NCF2: variants seen among roughly 807,000 people sequenced by gnomAD.
NCF2 encodes neutrophil cytosolic factor 2.
NCF2 carries 45 observed loss-of-function variants against 70.9 expected under a neutral mutation model. The ratio of observed to expected loss-of-function variants is 0.63; its 90% CI spans 0.50 to 0.81. The LOEUF (loss-of-function observed/expected upper bound fraction) is 0.81. Among genes scored for constraint, NCF2 ranks in the 40% least tolerant of loss-of-function variants. NCF2 has a pLI of 0.00. For missense variants in NCF2, 522 were observed against 631.6 expected (o/e 0.83, Z 1.86); for synonymous variants, 203 against 233.6 (o/e 0.87, Z 1.19).
rs1672967221 is a variant in NCF2 at position 183,579,663 on chromosome 1, C to T, written c.258-1956G>A. ...CTGAGGCAGGAGAATGGCATGAACC[C>T]AGGAGGCAGAGCTTGCAGTGAGCAG... On this transcript the variant is annotated intron_variant, in intron 2 of 14. Coordinates refer to ENST00000367535, the MANE Select transcript of NCF2 (RefSeq NM_000433.4). 2.1e-5 allele frequency among the ~76,000 whole-genome samples: 3 copies of T among 141,334 alleles called. No homozygotes were observed. In the South Asian group the frequency reaches 6.6e-4, roughly 31 times the overall value. 92.7% of individuals were successfully genotyped at this position (141,334 alleles called of 152,430 possible).
At chr1:183,563,861 C>G (rs1672187752) in intron 11 of NCF2, 144 bp downstream of exon 11, 2 of 980,990 alleles carry the variant, frequency 2.0e-6, no homozygotes, top group Non-Finnish European at 3.3e-6. Flanking sequence ...AAGAAGGTCC[C>G]TAGCTCATGG....
chr1:183,585,605 A>G (rs1673309553), intron 2 of NCF2, among the ~76,000 whole-genome samples: 1 of 127,462 alleles, frequency 7.8e-6, no homozygotes, highest in Non-Finnish European at 1.6e-5. Context: ...AGCCTGGGTG[A>G]CAGGGCGAAA....
At position 183,577,718 on chromosome 1, in the gene NCF2, G is replaced by C. The variant is rs1672862164; in HGVS notation, c.258-11C>G. ...ATAGCCAAATCATATCTGCAGGACA[G>C]AGGGAGAAAATACAGCAGTCTAGTG... On this transcript the variant is annotated splice_polypyrimidine_tract_variant and intron_variant, in intron 2 of 14. Transcript: ENST00000367535. 6.3e-7 allele frequency: 1 copy of C among 1,579,542 alleles called. No individual in the cohort carries two copies. Among genetic ancestry groups the C allele is most frequent in the Admixed American group, 1.7e-5 (1 of 59,964 alleles).
intron 2 of NCF2, among the ~76,000 whole-genome samples, chr1:183,581,175 G>A (rs1285452035): frequency 1.3e-5 from 2 of 150,988 alleles, no homozygotes; most frequent in African/African-American, 2.4e-5. Context: ...CCAGCTACCC[G>A]GGAAGCTGAG....
At chr1:183,599,437 T>TC in the NCF2 span, among the ~76,000 whole-genome samples, 1 of 96,740 alleles carries the variant, frequency 1.0e-5, no homozygotes, top group Admixed American at 1.2e-4. Flanking sequence ...TTTCTTTCTT[T>TC]CTTTCTTTCT....
At chr1:183,562,325 G>T (rs1480895379) in intron 13 of NCF2, among the ~76,000 whole-genome samples, 1 of 152,126 alleles carries the variant, frequency 6.6e-6, no homozygotes, top group African/African-American at 2.4e-5. Flanking sequence ...GAAGGGGTTA[G>T]TCCAAAGACA....
At chr1:183,570,556 AGT>A (rs760440140) in intron 6 of NCF2, among the ~76,000 whole-genome samples, 12 of 152,196 alleles carry the variant, frequency 7.9e-5, no homozygotes, top group Non-Finnish European at 1.8e-4. Context: ...GAAGCAGGAG[AGT>A]TAGCTTCAGA....
At chr1:183,564,959 C>T (rs997398845) in intron 10 of NCF2, among the ~76,000 whole-genome samples, 1 of 152,024 alleles carries the variant, frequency 6.6e-6, no homozygotes, top group African/African-American at 2.4e-5. Context: ...TGGAGCAGGG[C>T]GAGTTCATGG....
At chr1:183,595,220 A>T (rs1031731658), upstream of NCF2, among the ~76,000 whole-genome samples, 1 of 152,198 alleles carries the variant, frequency 6.6e-6, no homozygotes, top group Non-Finnish European at 1.5e-5. Context: ...GGAAACCCTG[A>T]AGGAGGCAGG....
intron 7 of NCF2, among the ~76,000 whole-genome samples, chr1:183,568,248 C>T (rs1572156513): frequency 6.6e-6 from 1 of 152,082 alleles, no homozygotes; most frequent in Non-Finnish European, 1.5e-5. Context: ...CTGCAACCTC[C>T]ACCTCCTGAG....
At chr1:183,567,656 C>A in intron 7 of NCF2, 1 of 450,238 alleles carries the variant, frequency 2.2e-6, no homozygotes, top group Non-Finnish European at 4.1e-6. Context: ...GCTGTGTCAT[C>A]TTGGCCAGCA....
intron 3 of NCF2, among the ~76,000 whole-genome samples, chr1:183,575,295 C>A (rs1442646594): frequency 2.0e-5 from 3 of 152,178 alleles, no homozygotes. Context: ...CATGGAGAAA[C>A]CCTGTCTCTA....
At chr1:183,597,213 A>G in the NCF2 span, among the ~76,000 whole-genome samples, 2 of 152,220 alleles carry the variant, frequency 1.3e-5, no homozygotes, top group African/African-American at 2.4e-5. Flanking sequence ...ACTAAATGCA[A>G]TCTAGTCATA....
chr1:183,600,945 C>A, the NCF2 span, among the ~76,000 whole-genome samples: 3 of 152,254 alleles, frequency 2.0e-5, no homozygotes, highest in South Asian at 2.1e-4. Flanking sequence ...CAAGAGCTTG[C>A]GAGATCATTT....
Position 183,573,186 on chromosome 1 carries a change from G to A in NCF2, c.608C>T (p.Thr203Met), listed in dbSNP as rs760085363. The change falls in exon 5 of 15, where the codon ACG becomes ATG. Residue 203 changes from threonine (T) to methionine (M), a missense_variant and splice_region_variant. Coordinates refer to ENST00000367535, the MANE Select transcript of NCF2 (RefSeq NM_000433.4). ...LAKKDYLGKA[T>M]VVASVVDQDS... is the part of the protein sequence containing the mutation. Reference sequence around the variant, plus strand: ...GGGAAGCTGAGCAATCCCACCTACCGTCGCCTTGCCTAGGTAATCCTTCTT... The same window carrying A: ...GGGAAGCTGAGCAATCCCACCTACCATCGCCTTGCCTAGGTAATCCTTCTT... The A allele has an allele frequency of 1.4e-5, 22 of 1,613,758 alleles. No individual in the cohort carries two copies. Among genetic ancestry groups the A allele is most frequent in the African/African-American group, 4.0e-5 (3 of 74,910 alleles).
the NCF2 span, among the ~76,000 whole-genome samples, chr1:183,599,971 AT>A: frequency 6.6e-6 from 1 of 152,210 alleles, no homozygotes; most frequent in South Asian, 2.1e-4. Context: ...GCTAAATATT[AT>A]GTTCACTGAA....
intron 14 of NCF2, among the ~76,000 whole-genome samples, chr1:183,556,448 G>A (rs1361916411): frequency 1.3e-5 from 2 of 152,180 alleles, no homozygotes; most frequent in Non-Finnish European, 2.9e-5. Context: ...AATGAAGAAG[G>A]ATAAATTATG....
chr1:183,575,987 G>A (rs958680068), intron 3 of NCF2, among the ~76,000 whole-genome samples: 1 of 152,220 alleles, frequency 6.6e-6, no homozygotes, highest in Non-Finnish European at 1.5e-5. Context: ...GACCTTGTGT[G>A]CAGAAAGAAA....
At chr1:183,578,207 A>G (rs1459072069) in intron 2 of NCF2, among the ~76,000 whole-genome samples, 2 of 151,878 alleles carry the variant, frequency 1.3e-5, no homozygotes, top group Non-Finnish European at 1.5e-5. Context: ...CCTCCTGCCC[A>G]CTGCCTTCGC....
Sources: gnomAD v4.1 joint callset for allele counts (sites outside exome capture counted in the v4.1 genomes callset) on GRCh38, gnomAD v4.1.1 for gene constraint, MANE v1.5 for transcripts, NCBI Gene and HGNC (gene_info 2026-07-23, HGNC 2026-07-21) for gene names.